The following ALMS1 variants were observed in gnomAD, a reference collection of about 807,000 sequenced individuals.
ALMS1 encodes the protein centrosome-associated protein ALMS1.
ALMS1 carries 271 observed loss-of-function variants against 352.2 expected under a neutral mutation model. That is an observed-to-expected ratio of 0.77 (90% CI 0.70 to 0.85). ALMS1 has a LOEUF of 0.85. Among genes scored for constraint, ALMS1 ranks in the 40% least tolerant of loss-of-function variants. ALMS1 has a pLI of 0.00. For synonymous variants in ALMS1, 1,865 were observed against 1,761.2 expected, an observed-to-expected ratio of 1.06 and a Z score of -1.48; for missense variants, 5,445 against 4,870.7, an observed-to-expected ratio of 1.12 and a Z score of -3.51.
chr2:73,562,797 G>A (rs1300267544), intron 15 of ALMS1, among the ~76,000 whole-genome samples: 1 of 152,014 alleles, frequency 6.6e-6, no homozygotes, highest in Non-Finnish European at 1.5e-5. Flanking sequence ...TGAGGCAGGA[G>A]AAGCGCTTGA....
intron 7 of ALMS1, among the ~76,000 whole-genome samples, chr2:73,433,013 C>G (rs181360965): frequency 4.0e-5 from 6 of 149,598 alleles, no homozygotes; most frequent in African/African-American, 1.5e-4. Context: ...GAGGTAAAAG[C>G]AAGATTATCT....
intron 2 of ALMS1, among the ~76,000 whole-genome samples, chr2:73,413,363 C>T (rs558908772): frequency 1.3e-5 from 2 of 152,110 alleles, no homozygotes; most frequent in South Asian, 4.2e-4. Context: ...TTCTTGTGTA[C>T]TATCTGAGAA....
At chr2:73,532,527 G>A (rs867160738) in intron 11 of ALMS1, among the ~76,000 whole-genome samples, 1 of 152,152 alleles carries the variant, frequency 6.6e-6, no homozygotes, top group African/African-American at 2.4e-5. Flanking sequence ...GGCTTGTGGT[G>A]ACTGCTGGCT....
At chr2:73,579,846 A>T (rs572323597) in intron 16 of ALMS1, among the ~76,000 whole-genome samples, 2 of 152,280 alleles carry the variant, frequency 1.3e-5, no homozygotes, top group Non-Finnish European at 2.9e-5. Flanking sequence ...AACATGTCTC[A>T]GTGTGGCTCT....
intron 10 of ALMS1, among the ~76,000 whole-genome samples, chr2:73,492,713 G>C (rs1290389624): frequency 6.6e-6 from 1 of 152,178 alleles, no homozygotes; most frequent in Non-Finnish European, 1.5e-5. Flanking sequence ...GTTAAAAATA[G>C]TAGAGTGCCA....
At chr2:73,390,712 A>G (rs1038955963) in intron 1 of ALMS1, among the ~76,000 whole-genome samples, 6 of 152,056 alleles carry the variant, frequency 3.9e-5, no homozygotes, top group African/African-American at 1.4e-4. Flanking sequence ...GGTTGGCATC[A>G]CTAGAAATTC....
Position 73,573,143 on chromosome 2 carries a change from G to C in ALMS1, c.11266G>C (p.Gly3756Arg). The change falls in exon 16 of 23, where the codon GGC (glycine) becomes CGC (arginine). Residue 3756 changes from glycine to arginine, a missense_variant. Coordinates refer to ENST00000613296, the MANE Select transcript of ALMS1 (RefSeq NM_001378454.1). ...LTDTTTNILS[G>R]TTSTVESDIL... ...AGATACTACCACCAACATCCTTTCC[G>C]GCACCACTTCTACTGTCGAATCAGA... The C allele has an allele frequency of 6.2e-7, 1 of 1,613,642 alleles. No individual in the cohort carries two copies.
intron 16 of ALMS1, among the ~76,000 whole-genome samples, chr2:73,586,970 T>C (rs572161102): frequency 6.6e-6 from 1 of 152,208 alleles, no homozygotes; most frequent in South Asian, 2.1e-4. Flanking sequence ...TTCACCTCCT[T>C]GGTTAGGTAT....
At chr2:73,555,172 A>G (rs777463380) in intron 13 of ALMS1, among the ~76,000 whole-genome samples, 2 of 152,206 alleles carry the variant, frequency 1.3e-5, no homozygotes, top group Non-Finnish European at 2.9e-5. Flanking sequence ...CAAAAAACGT[A>G]TATTTAAAGA....
chr2:73,550,218 A>G (rs1443354933), intron 12 of ALMS1, 49 bp from the exon 13 acceptor site: 3 of 1,607,178 alleles, frequency 1.9e-6, no homozygotes, highest in South Asian at 1.1e-5. Context: ...GTCTTTCTCA[A>G]TCTCATGTCG....
chr2:73,448,901 G>C lies in ALMS1; in HGVS notation c.2374G>C (p.Ala792Pro), dbSNP rs1181372708. 5.0e-6 allele frequency: 8 copies of C among 1,614,072 alleles called. No homozygotes were observed. Among genetic ancestry groups the C allele is most frequent in the South Asian group, 4.4e-5 (4 of 91,086 alleles). Residue 792 changes from alanine to proline, a missense_variant, in exon 8 of 23, where the codon GCT becomes CCT. By Grantham distance (27) the Ala-to-Pro change is conservative (BLOSUM62 -1). Transcript: ENST00000613296. The stretch of plus-strand genomic sequence containing the variant: ...ACCTGAAGAGGGTCTGAAAGTTTCA[G>C]CTGTTGCTGGACCAGCTGACCAGAA... Reference protein sequence around the residue: ...HLPEEGLKVSAVAGPADQKTG... With the variant: ...HLPEEGLKVSPVAGPADQKTG...
At chr2:73,483,531 GA>G (rs1241558173) in intron 9 of ALMS1, among the ~76,000 whole-genome samples, 1 of 151,504 alleles carries the variant, frequency 6.6e-6, no homozygotes, top group Admixed American at 6.6e-5. Context: ...GTGTGGTGCT[GA>G]AAAAAATGTA....
At position 73,565,847 on chromosome 2, in the gene ALMS1, CAG is replaced by C. The variant is rs1251546283; in HGVS notation, c.10385-6412_10385-6411del. On this transcript the variant is annotated intron_variant, in intron 15 of 22. Coordinates refer to ENST00000613296, the MANE Select transcript of ALMS1 (RefSeq NM_001378454.1). ...CTTGACCAGTACTTCTCAAAACTGT[CAG>C]AGTCATGAAAAACAAGGGATGCCTA... Among the ~76,000 whole-genome samples the C allele has an allele frequency of 2.0e-5, 3 of 152,260 alleles. No homozygotes were observed. In the East Asian group the frequency reaches 5.8e-4, roughly 29 times the overall value.
chr2:73,403,521 T>C lies in ALMS1; in HGVS notation c.325-5101T>C, dbSNP rs567164528. Among the ~76,000 whole-genome samples, 50 of 152,312 alleles carry C rather than the reference T, an allele frequency of 3.3e-4. No individual in the cohort carries two copies. In the Middle Eastern group the frequency reaches 0.01, roughly 31 times the overall value. ...ATTACTTTGGCTCTTTAGAGTCTTT[T>C]GTGGTTCTATATGAATTTTAGATTT... On this transcript the variant is annotated intron_variant, in intron 1 of 22. Coordinates refer to ENST00000613296, the MANE Select transcript of ALMS1 (RefSeq NM_001378454.1).
intron 11 of ALMS1, among the ~76,000 whole-genome samples, chr2:73,530,267 G>A (rs1487392307): frequency 3.9e-5 from 6 of 152,224 alleles, no homozygotes; most frequent in African/African-American, 1.4e-4. Flanking sequence ...AAGATACAGT[G>A]GGGGTACAGG....
At chr2:73,549,354 A>G (rs1466487167) in intron 12 of ALMS1, among the ~76,000 whole-genome samples, 1 of 152,348 alleles carries the variant, frequency 6.6e-6, no homozygotes, top group Middle Eastern at 3.4e-3. Flanking sequence ...TCTTCTGGAA[A>G]CATAGCTAAA....
At chr2:73,442,782 C>G (rs889358224) in intron 7 of ALMS1, among the ~76,000 whole-genome samples, 7 of 152,148 alleles carry the variant, frequency 4.6e-5, no homozygotes, top group Non-Finnish European at 1.0e-4. Context: ...TTTCCTATGA[C>G]TGATGAGTTC....
At chr2:73,544,168 A>G (rs1359325622) in intron 12 of ALMS1, among the ~76,000 whole-genome samples, 3 of 152,256 alleles carry the variant, frequency 2.0e-5, no homozygotes, top group Non-Finnish European at 4.4e-5. Flanking sequence ...CATATACACC[A>G]TGGAATACTA....
At position 73,519,973 on chromosome 2, in the gene ALMS1, A is replaced by G; in HGVS notation, c.9738A>G (p.Ser3246=). The G allele has an allele frequency of 1.2e-6, 2 of 1,614,116 alleles. No homozygotes were observed. Among genetic ancestry groups the G allele is most frequent in the Non-Finnish European group, 1.7e-6 (2 of 1,179,960 alleles). The change falls in exon 11 of 23, where the codon TCA becomes TCG. Residue 3246 remains serine, a synonymous_variant. Transcript: ENST00000613296. ...GCAAAGCTCCTGTCAAGTTTGCCTC[A>G]TCATCTTCAGTCCAACAGGTTACTT... The part of the protein sequence containing the change: ...KLRKAPVKFA[S]SSSVQQVTFS...
Sources: allele counts gnomAD v4.1 joint callset (sites outside exome capture counted in the v4.1 genomes callset), GRCh38; gene constraint gnomAD v4.1.1; transcripts MANE v1.5; gene names NCBI Gene and HGNC (gene_info 2026-07-23, HGNC 2026-07-21).